Variants in POU2F1 observed in about 807,000 individuals in gnomAD.
POU2F1 encodes POU class 2 homeobox 1.
POU2F1 carries 16 observed loss-of-function variants against 84.9 expected under a neutral mutation model. The ratio of observed to expected loss-of-function variants is 0.19; its 90% confidence interval spans 0.13 to 0.29. The LOEUF (loss-of-function observed/expected upper bound fraction) is 0.29, where lower values mean the gene tolerates loss of function less well. POU2F1 is among the 10% of genes least tolerant of loss of function. The pLI is 1.00. For missense variants in POU2F1, 738 were observed against 942.6 expected (o/e 0.78, Z 2.84); for synonymous variants, 368 against 368.3 (o/e 1.00, Z 0.01).
chr1:167,279,688 A>C (rs1276093952), intron 1 of POU2F1, among the ~76,000 whole-genome samples: 2 of 152,150 alleles, frequency 1.3e-5, no homozygotes, highest in African/African-American at 4.8e-5. Flanking sequence ...ACTGCACTCC[A>C]GCCTGGGCCT....
intron 1 of POU2F1, among the ~76,000 whole-genome samples, chr1:167,316,888 C>CT (rs1655941975): frequency 6.6e-6 from 1 of 152,022 alleles, no homozygotes; most frequent in Admixed American, 6.6e-5. Context: ...TAGGATAACT[C>CT]TAATATTATT....
chr1:167,348,576 A>G (rs1046845080), intron 2 of POU2F1, among the ~76,000 whole-genome samples: 1 of 152,112 alleles, frequency 6.6e-6, no homozygotes, highest in Non-Finnish European at 1.5e-5. Flanking sequence ...CTCTTCATTC[A>G]TTTTCCCCAG....
intron 5 of POU2F1, among the ~76,000 whole-genome samples, 189 bp downstream of exon 5, chr1:167,372,225 G>A (rs778254693): frequency 6.6e-6 from 1 of 152,208 alleles, no homozygotes; most frequent in African/African-American, 2.4e-5. Flanking sequence ...TTTGTCGTAA[G>A]TTTTCAGGAT....
At chr1:167,363,739 C>T (rs955727960) in intron 2 of POU2F1, among the ~76,000 whole-genome samples, 6 of 152,028 alleles carry the variant, frequency 3.9e-5, no homozygotes, top group African/African-American at 7.2e-5. Context: ...AAAATAGAAG[C>T]GATTTTATGA....
At chr1:167,310,080 G>A (rs72693626) in intron 1 of POU2F1, among the ~76,000 whole-genome samples, 4,151 of 152,210 alleles carry the variant, frequency 0.027, 79 homozygotes, top group Non-Finnish European at 0.039. Context: ...TTTATGTGCA[G>A]ATTTTTTCTT....
At chr1:167,357,359 T>TC (rs1557922148) in intron 2 of POU2F1, 33 of 21,878 alleles carry the variant, frequency 1.5e-3, no homozygotes, top group Non-Finnish European at 2.4e-3. Context: ...CCCCCACGCC[T>TC]CCCCCCCCAC....
At chr1:167,332,815 A>G (rs1657165583) in intron 2 of POU2F1, among the ~76,000 whole-genome samples, 1 of 152,192 alleles carries the variant, frequency 6.6e-6, no homozygotes, top group Non-Finnish European at 1.5e-5. Flanking sequence ...GATATGAAAT[A>G]TGGGTTTACC....
chr1:167,264,113 C>A (rs1353289052), intron 1 of POU2F1, among the ~76,000 whole-genome samples: 1 of 151,912 alleles, frequency 6.6e-6, no homozygotes, highest in Non-Finnish European at 1.5e-5. Flanking sequence ...TGGGTCCTAT[C>A]AAGGAAAAGT....
At chr1:167,230,831 A>G (rs1649013354) in intron 1 of POU2F1, among the ~76,000 whole-genome samples, 2 of 152,244 alleles carry the variant, frequency 1.3e-5, no homozygotes, top group Non-Finnish European at 2.9e-5. Flanking sequence ...TTAACAAATA[A>G]TGAATGCTTG....
intron 1 of POU2F1, among the ~76,000 whole-genome samples, chr1:167,232,649 C>T (rs978612697): frequency 3.3e-5 from 5 of 152,142 alleles, no homozygotes; most frequent in Non-Finnish European, 7.4e-5. Context: ...TCGAGACCAG[C>T]CTGGCCAATA....
chr1:167,389,468 G>C, intron 8 of POU2F1, 120 bp from the exon 9 acceptor site: 1 of 986,302 alleles, frequency 1.0e-6, no homozygotes, highest in Non-Finnish European at 1.5e-6. Flanking sequence ...ACATTCTGTA[G>C]TGTTACATGG....
Position 167,415,932 on chromosome 1 carries a change from G to C in POU2F1, c.*122G>C. On this transcript the variant is annotated 3_prime_UTR_variant, in exon 16 of 16. Transcript: ENST00000367866. ...CTCGCCGTGTTGTGAGGGCAAAGGA[G>C]AGAAGGGAGAAAAAAAAAAAAAAAC... The C allele has an allele frequency of 1.9e-6, 1 of 531,400 alleles. No individual in the cohort carries two copies. The highest frequency in any genetic ancestry group is 3.0e-6 in the Non-Finnish European group (1 of 328,046). 32.9% of individuals were successfully genotyped at this position (531,400 alleles called of 1,614,324 possible).
intron 1 of POU2F1, among the ~76,000 whole-genome samples, chr1:167,256,279 A>T (rs1461188601): frequency 6.6e-6 from 1 of 152,036 alleles, no homozygotes; most frequent in African/African-American, 2.4e-5. Context: ...AAAAGGGAGA[A>T]GTATCAGGTT....
intron 13 of POU2F1, among the ~76,000 whole-genome samples, chr1:167,407,210 TG>T (rs1649643820): frequency 6.6e-6 from 1 of 151,986 alleles, no homozygotes; most frequent in Non-Finnish European, 1.5e-5. Context: ...TTGTATTTTT[TG>T]TAGAGACGAG....
chr1:167,344,935 C>T (rs1001822119), intron 2 of POU2F1, among the ~76,000 whole-genome samples: 18 of 152,118 alleles, frequency 1.2e-4, no homozygotes, highest in Non-Finnish European at 2.2e-4. Context: ...AGTTGGAAGC[C>T]GTCATCCTCA....
chr1:167,377,306 G>T (rs1660394429), intron 7 of POU2F1, among the ~76,000 whole-genome samples: 1 of 152,148 alleles, frequency 6.6e-6, no homozygotes, highest in Non-Finnish European at 1.5e-5. Context: ...GTCATTAATG[G>T]CCAGGCGTGG....
At chr1:167,270,713 T>C (rs1652310516) in intron 1 of POU2F1, among the ~76,000 whole-genome samples, 1 of 152,230 alleles carries the variant, frequency 6.6e-6, no homozygotes, top group African/African-American at 2.4e-5. Context: ...TGCTGAACTG[T>C]GGCATTTTTG....
intron 1 of POU2F1, among the ~76,000 whole-genome samples, chr1:167,282,879 T>C (rs1400112989): frequency 6.6e-6 from 1 of 152,202 alleles, no homozygotes; most frequent in Non-Finnish European, 1.5e-5. Context: ...CTCTGCTGAT[T>C]ATGTCTTCTT....
intron 3 of POU2F1, among the ~76,000 whole-genome samples, chr1:167,367,770 A>G (rs1279931712): frequency 6.6e-6 from 1 of 152,050 alleles, no homozygotes; most frequent in Non-Finnish European, 1.5e-5. Flanking sequence ...CCATATGTGT[A>G]TATGTATGTA....
Sources: gnomAD v4.1 joint callset for allele counts (sites outside exome capture counted in the v4.1 genomes callset) on GRCh38, gnomAD v4.1.1 for gene constraint, MANE v1.5 for transcripts, NCBI Gene and HGNC (gene_info 2026-07-23, HGNC 2026-07-21) for gene names.